Variants in CPNE5 observed in about 807,000 individuals in gnomAD.
CPNE5 encodes copine-5.
Under a neutral mutation model 81.1 loss-of-function variants are expected in CPNE5, and 42 were observed. The ratio of observed to expected loss-of-function variants is 0.52; its 90% CI spans 0.40 to 0.67. The LOEUF (loss-of-function observed/expected upper bound fraction) is 0.67. Among genes scored for constraint, CPNE5 ranks in the 30% least tolerant of loss-of-function variants. The pLI is 0.00. For missense variants in CPNE5, 612 were observed against 815.5 expected, an observed-to-expected ratio of 0.75 and a Z score of 3.04; for synonymous variants, 313 against 321.5, an observed-to-expected ratio of 0.97 and a Z score of 0.28.
At chr6:36,743,470 A>T (rs1460357903) in intron 20 of CPNE5, among the ~76,000 whole-genome samples, 1 of 152,160 alleles carries the variant, frequency 6.6e-6, no homozygotes, top group East Asian at 1.9e-4. Context: ...CCGCAATGTT[A>T]GGAGTGTGTC....
intron 16 of CPNE5, 123 bp from the exon 17 acceptor site, chr6:36,745,638 G>A: frequency 8.9e-7 from 1 of 1,119,226 alleles, no homozygotes; most frequent in African/African-American, 1.6e-5. Flanking sequence ...TCTCTGGTGT[G>A]GGGTGGCGGG....
At chr6:36,812,943 C>G (rs1057352437) in intron 3 of CPNE5, among the ~76,000 whole-genome samples, 2 of 152,204 alleles carry the variant, frequency 1.3e-5, no homozygotes, top group African/African-American at 4.8e-5. Flanking sequence ...CCACTCATTC[C>G]TTTGTATCTT....
intron 3 of CPNE5, 141 bp downstream of exon 3, chr6:36,821,973 T>A: frequency 1.5e-6 from 1 of 677,740 alleles, no homozygotes; most frequent in Non-Finnish European, 2.4e-6. Flanking sequence ...TGGGACTTCA[T>A]GCTTTGCACA....
intron 13 of CPNE5, among the ~76,000 whole-genome samples, chr6:36,753,565 G>A (rs1765076679): frequency 6.6e-6 from 1 of 152,230 alleles, no homozygotes; most frequent in Non-Finnish European, 1.5e-5. Context: ...CATGTGCCTA[G>A]AGCTATTAGT....
chr6:36,771,419 A>T (rs1382504224), intron 10 of CPNE5, among the ~76,000 whole-genome samples: 1 of 152,238 alleles, frequency 6.6e-6, no homozygotes, highest in Non-Finnish European at 1.5e-5. Flanking sequence ...TACCTGTAAA[A>T]TGTGGCTAGC....
At chr6:36,762,222 T>C (rs1471899231) in intron 12 of CPNE5, among the ~76,000 whole-genome samples, 1 of 92,342 alleles carries the variant, frequency 1.1e-5, no homozygotes, top group Non-Finnish European at 2.2e-5. Context: ...AGTGAGGCCC[T>C]GTCTCAAAAA....
intron 10 of CPNE5, among the ~76,000 whole-genome samples, chr6:36,769,767 C>T (rs1343661228): frequency 1.3e-5 from 2 of 152,194 alleles, no homozygotes; most frequent in South Asian, 2.1e-4. Context: ...ATACCGAGAA[C>T]GGTACGATGC....
chr6:36,806,639 C>T (rs1472540734), intron 3 of CPNE5, among the ~76,000 whole-genome samples: 1 of 152,194 alleles, frequency 6.6e-6, no homozygotes, highest in Non-Finnish European at 1.5e-5. Context: ...TTTCTCTTTC[C>T]TGCTGGGACC....
chr6:36,747,856 G>A (rs1168572335), intron 15 of CPNE5, among the ~76,000 whole-genome samples: 1 of 152,220 alleles, frequency 6.6e-6, no homozygotes, highest in East Asian at 1.9e-4. Context: ...GCTCAGCCTT[G>A]GCTCTGATTC....
At chr6:36,777,209 G>T (rs171032) in intron 9 of CPNE5, among the ~76,000 whole-genome samples, 1 of 152,006 alleles carries the variant, frequency 6.6e-6, no homozygotes, top group Non-Finnish European at 1.5e-5. Context: ...AAGTCCGGCC[G>T]AGTGAGGTCC....
chr6:36,821,334 G>T (rs78278676), intron 3 of CPNE5, among the ~76,000 whole-genome samples: 16,073 of 152,118 alleles, frequency 0.11, 1,018 homozygotes, highest in East Asian at 0.24. Flanking sequence ...AGGCCATGAA[G>T]GGACGGTGCT....
intron 1 of CPNE5, among the ~76,000 whole-genome samples, chr6:36,830,321 C>T (rs528609797): frequency 6.6e-6 from 1 of 152,286 alleles, no homozygotes; most frequent in South Asian, 2.1e-4. Context: ...GGAGCTGCTC[C>T]CAAACAAACG....
At position 36,743,641 on chromosome 6, in the gene CPNE5, A is replaced by G. The variant is rs751222793; in HGVS notation, c.1563+48T>C. 1.9e-6 allele frequency: 3 copies of G among 1,564,470 alleles called. No individual in the cohort carries two copies. The Admixed American group carries it at 5.0e-5, about 26-fold the overall frequency. On this transcript the variant is annotated intron_variant, in intron 20 of 20. Transcript: ENST00000244751. ...AAGGGGGTGTGAGGTCCGCCTGGCTAGAGGGGCTCTTGAATTTCCCATGGG... is the reference window on the plus strand; with the variant it reads ...AAGGGGGTGTGAGGTCCGCCTGGCTGGAGGGGCTCTTGAATTTCCCATGGG...
At chr6:36,833,212 A>G (rs942100744) in intron 1 of CPNE5, among the ~76,000 whole-genome samples, 1 of 152,240 alleles carries the variant, frequency 6.6e-6, no homozygotes. Context: ...CTCACTGTGT[A>G]ACCTTGGCCA....
At chr6:36,816,673 A>G (rs898528449) in intron 3 of CPNE5, among the ~76,000 whole-genome samples, 1 of 152,214 alleles carries the variant, frequency 6.6e-6, no homozygotes, top group African/African-American at 2.4e-5. Context: ...GCGGTTCCAT[A>G]GAGACAATCT....
At position 36,839,193 on chromosome 6, in the gene CPNE5, G is replaced by A. The variant is rs905594604; in HGVS notation, c.95+90C>T. 2.7e-5 allele frequency: 25 copies of A among 920,066 alleles called. No individual in the cohort carries two copies. Among genetic ancestry groups the A allele is most frequent in the Non-Finnish European group, 3.9e-5 (24 of 623,176 alleles). 57.0% of individuals were successfully genotyped at this position (920,066 alleles called of 1,614,324 possible). A position where few individuals can be genotyped will look rare whatever the true frequency, so the allele number is the denominator to read the frequency against. ...GAGACCAGGACACTCTGGGAAGGGG[G>A]CGCGCGGAGGTTTAGGATCGAAGCG... is the stretch of plus-strand genomic sequence containing the variant. On this transcript the variant is annotated intron_variant, in intron 1 of 20. Coordinates refer to ENST00000244751, the MANE Select transcript of CPNE5 (RefSeq NM_020939.2). The surrounding 1 kb of genome is among the most constrained non-coding windows in gnomAD (Gnocchi z 7.3).
At chr6:36,804,673 C>G (rs1167443831) in intron 3 of CPNE5, among the ~76,000 whole-genome samples, 2 of 151,824 alleles carry the variant, frequency 1.3e-5, no homozygotes, top group Non-Finnish European at 2.9e-5. Context: ...CACCCCACCC[C>G]CAGCATAGGC....
chr6:36,750,607 T>C (rs543346259), intron 14 of CPNE5, among the ~76,000 whole-genome samples: 2 of 152,294 alleles, frequency 1.3e-5, no homozygotes, highest in Admixed American at 1.3e-4. Flanking sequence ...GGCTTGAGGT[T>C]AGGGAATTAT....
At chr6:36,794,364 C>G (rs1769372623) in intron 7 of CPNE5, among the ~76,000 whole-genome samples, 1 of 152,106 alleles carries the variant, frequency 6.6e-6, no homozygotes, top group African/African-American at 2.4e-5. Context: ...GCTTGAGATG[C>G]CCAAGCTCTA....
Sources: gnomAD v4.1 joint callset for allele counts (sites outside exome capture counted in the v4.1 genomes callset) on GRCh38, gnomAD v4.1.1 for gene constraint, Gnocchi (gnomAD v3.1) non-coding constraint, MANE v1.5 for transcripts, NCBI Gene and HGNC (gene_info 2026-07-23, HGNC 2026-07-21) for gene names.